NPTN: variants seen among roughly 807,000 people sequenced by gnomAD.
NPTN encodes SDR-1.
NPTN carries 5 observed loss-of-function variants against 42.7 expected under a neutral mutation model. The observed-to-expected ratio is 0.12, with a 90% CI of 0.06 to 0.25. The LOEUF (loss-of-function observed/expected upper bound fraction) is 0.25. Among genes scored for constraint, NPTN ranks in the 10% least tolerant of loss-of-function variants. The pLI is 1.00. For missense variants in NPTN, 307 were observed against 525.4 expected (o/e 0.58, Z 4.06); for synonymous variants, 180 against 201.9 (o/e 0.89, Z 0.92).
Position 73,633,191 on chromosome 15 carries a change from C to A in NPTN, c.25G>T (p.Ala9Ser). 1 of 1,529,658 alleles carries A rather than the reference C, an allele frequency of 6.5e-7. No individual in the cohort carries two copies. The highest frequency in any genetic ancestry group is 8.7e-7 in the Non-Finnish European group (1 of 1,143,636). 94.8% of individuals were successfully genotyped at this position (1,529,658 alleles called of 1,614,324 possible). A position where few individuals can be genotyped will look rare whatever the true frequency, so the allele number is the denominator to read the frequency against. Residue 9 changes from alanine (A) to serine (S), a missense_variant, in exon 1 of 9, where the codon GCC becomes TCC. Coordinates refer to ENST00000345330, the MANE Select transcript of NPTN (RefSeq NM_012428.4). Reference protein sequence around the residue: MSGSSLPSALALSLLLVSG... With the variant: MSGSSLPSSLALSLLLVSG... ...ACCAGCAACAGCGAGAGGGCCAGGG[C>A]GCTGGGCAGCGACGAACCCGACATC...
chr15:73,599,212 G>A (rs1225848247), intron 1 of NPTN, among the ~76,000 whole-genome samples: 3 of 151,080 alleles, frequency 2.0e-5, no homozygotes, highest in Non-Finnish European at 4.4e-5. Context: ...GCCCCTGCAT[G>A]AAGAGCTGAG....
intron 4 of NPTN, among the ~76,000 whole-genome samples, chr15:73,586,546 A>G (rs779387353): frequency 6.6e-6 from 1 of 152,216 alleles, no homozygotes; most frequent in Non-Finnish European, 1.5e-5. Flanking sequence ...CATATAATGG[A>G]AACTTTGAAT....
chr15:73,589,655 C>T (rs969764210), intron 3 of NPTN, among the ~76,000 whole-genome samples: 2 of 152,038 alleles, frequency 1.3e-5, no homozygotes, highest in African/African-American at 4.8e-5. Context: ...AAGAAAAACT[C>T]CTAAACTCGA....
At chr15:73,594,611 G>A (rs998404038) in intron 2 of NPTN, among the ~76,000 whole-genome samples, 1 of 152,104 alleles carries the variant, frequency 6.6e-6, no homozygotes, top group African/African-American at 2.4e-5. Context: ...GATGAAGGTG[G>A]GGCTTTTATT....
intron 6 of NPTN, chr15:73,567,181 G>A (rs757677521): frequency 1.0e-5 from 10 of 984,998 alleles, no homozygotes; most frequent in Non-Finnish European, 1.2e-5. Flanking sequence ...GTAAGGGGAT[G>A]AGTTACCAAG....
chr15:73,563,748 T>G (rs571139504), intron 6 of NPTN, among the ~76,000 whole-genome samples: 1 of 152,368 alleles, frequency 6.6e-6, no homozygotes, highest in Admixed American at 6.5e-5. Context: ...GCACTCTGTT[T>G]TTCTTGCTGT....
chr15:73,570,518 G>T lies in NPTN; in HGVS notation c.841-95C>A. 1.8e-6 allele frequency: 2 copies of T among 1,101,196 alleles called. No homozygotes were observed. Among genetic ancestry groups the T allele is most frequent in the South Asian group, 1.5e-5 (1 of 67,332 alleles). 68.2% of individuals were successfully genotyped at this position (1,101,196 alleles called of 1,614,324 possible). The stretch of plus-strand genomic sequence containing the variant: ...TGCTCTCCGTTCTTTTTAGGCACCA[G>T]CCAGAATGAGGAAGCAGTGTCTAGG... On this transcript the variant is annotated intron_variant, in intron 5 of 8. Coordinates refer to ENST00000345330, the MANE Select transcript of NPTN (RefSeq NM_012428.4). This position sits in a 1 kb window ranked among gnomAD's most constrained non-coding sequence, Gnocchi z 4.0.
chr15:73,567,628 CT>C (rs142712563), intron 6 of NPTN: 13,141 of 985,372 alleles, frequency 0.013, 131 homozygotes, highest in East Asian at 0.057. Context: ...TCAACTTTTT[CT>C]TTTGTTTAAT....
intron 6 of NPTN, chr15:73,568,588 T>C: frequency 2.0e-6 from 2 of 985,394 alleles, no homozygotes; most frequent in Non-Finnish European, 2.4e-6. Context: ...AGGAAAGAAA[T>C]ACCTGGAGAG....
chr15:73,605,461 G>A (rs1897257658), intron 1 of NPTN, among the ~76,000 whole-genome samples: 1 of 152,148 alleles, frequency 6.6e-6, no homozygotes, highest in Non-Finnish European at 1.5e-5. Context: ...GGGTGCGGTG[G>A]CTCATGCCTG....
At chr15:73,621,964 G>C (rs1013279511) in intron 1 of NPTN, among the ~76,000 whole-genome samples, 19 of 152,124 alleles carry the variant, frequency 1.2e-4, no homozygotes, top group African/African-American at 4.6e-4. Flanking sequence ...CTGATAAACA[G>C]GGACAAACCA....
At chr15:73,631,271 CTTT>C (rs1483149815) in intron 1 of NPTN, among the ~76,000 whole-genome samples, 2 of 152,214 alleles carry the variant, frequency 1.3e-5, no homozygotes, top group Non-Finnish European at 2.9e-5. Context: ...CATTAGGCTT[CTTT>C]AAGTCATGTT....
At chr15:73,614,929 G>C (rs1897790623) in intron 1 of NPTN, among the ~76,000 whole-genome samples, 1 of 151,970 alleles carries the variant, frequency 6.6e-6, no homozygotes, top group African/African-American at 2.4e-5. Flanking sequence ...GTTACCTTTT[G>C]TTTAAAAAAA....
At chr15:73,588,413 G>A (rs929940808) in intron 3 of NPTN, among the ~76,000 whole-genome samples, 1 of 152,100 alleles carries the variant, frequency 6.6e-6, no homozygotes, top group African/African-American at 2.4e-5. Flanking sequence ...CTTGCTAACA[G>A]GACCCAGGCA....
chr15:73,605,155 C>G (rs1897243716), intron 1 of NPTN, among the ~76,000 whole-genome samples: 1 of 150,112 alleles, frequency 6.7e-6, no homozygotes, highest in African/African-American at 2.5e-5. Context: ...ATTAACATAC[C>G]TCAAAAGCAG....
chr15:73,567,001 GCTTTTTTT>G, intron 6 of NPTN: 2 of 856,802 alleles, frequency 2.3e-6, no homozygotes, highest in Non-Finnish European at 2.7e-6. Flanking sequence ...AAGACATGGG[GCTTTTTTT>G]TTTTTTTTTT....
chr15:73,563,367 A>G, intron 6 of NPTN, 110 bp from the exon 7 acceptor site: 2 of 1,536,500 alleles, frequency 1.3e-6, no homozygotes, highest in Non-Finnish European at 1.8e-6. Flanking sequence ...AGTGGCAATC[A>G]TGGCTACTCA....
At chr15:73,573,856 C>T in intron 4 of NPTN, 61 bp from the exon 5 acceptor site, 1 of 1,582,512 alleles carries the variant, frequency 6.3e-7, no homozygotes, top group Non-Finnish European at 8.6e-7. Context: ...ATACAAAGGC[C>T]CCACCTTCTG....
At chr15:73,580,956 CAT>C (rs1332742584) in intron 4 of NPTN, among the ~76,000 whole-genome samples, 1 of 152,090 alleles carries the variant, frequency 6.6e-6, no homozygotes, top group Non-Finnish European at 1.5e-5. Flanking sequence ...GTAATACTCA[CAT>C]GTTTCAGAGG....
Sources: allele counts gnomAD v4.1 joint callset (sites outside exome capture counted in the v4.1 genomes callset), GRCh38; gene constraint gnomAD v4.1.1; non-coding constraint Gnocchi (gnomAD v3.1); transcripts MANE v1.5; gene names NCBI Gene and HGNC (gene_info 2026-07-23, HGNC 2026-07-21).